VPS13D: variants seen among roughly 807,000 people sequenced by gnomAD.
VPS13D encodes intermembrane lipid transfer protein VPS13D.
Under a neutral mutation model 461.9 loss-of-function variants are expected in VPS13D, and 187 were observed. The observed-to-expected ratio is 0.40, with a 90% CI of 0.36 to 0.46. The LOEUF is 0.46. Among genes scored for constraint, VPS13D ranks in the 20% least tolerant of loss-of-function variants. The pLI is 0.60. For synonymous variants in VPS13D, 1,951 were observed against 1,986.3 expected, an observed-to-expected ratio of 0.98 and a Z score of 0.47; for missense variants, 4,711 against 5,364.9, an observed-to-expected ratio of 0.88 and a Z score of 3.81.
intron 67 of VPS13D, among the ~76,000 whole-genome samples, chr1:12,484,967 T>C (rs1026268659): frequency 3.9e-5 from 6 of 152,204 alleles, no homozygotes; most frequent in African/African-American, 1.2e-4. Context: ...TGTGCACGTG[T>C]ACACACACGT....
chr1:12,400,758 G>C (rs1644564177), intron 61 of VPS13D, among the ~76,000 whole-genome samples: 1 of 152,104 alleles, frequency 6.6e-6, no homozygotes, highest in South Asian at 2.1e-4. Flanking sequence ...TTTGAGACCA[G>C]CTTGGGAAAC....
In VPS13D at chr1:12,329,928, A is replaced by C. The variant is rs1009097581; in HGVS notation, c.8287+10A>C. The C allele has an allele frequency of 1.9e-6, 3 of 1,608,040 alleles. No homozygotes were observed. In the Admixed American group the frequency reaches 5.0e-5, roughly 27 times the overall value. Reference sequence around the variant, plus strand: ...AACCGTGCTCTTTCAGGTCAGTATAAAGCATATGTTATCATGGGATTTAAA... The same window carrying C: ...AACCGTGCTCTTTCAGGTCAGTATACAGCATATGTTATCATGGGATTTAAA... On this transcript the variant is annotated intron_variant, in intron 37 of 69. Coordinates refer to ENST00000620676, the MANE Select transcript of VPS13D (RefSeq NM_015378.4).
chr1:12,460,286 C>T lies in VPS13D; in HGVS notation c.12552C>T (p.Gly4184=). 1 of 1,612,046 alleles carries T rather than the reference C, an allele frequency of 6.2e-7. No individual in the cohort carries two copies. Among genetic ancestry groups the T allele is most frequent in the Non-Finnish European group, 8.5e-7 (1 of 1,179,064 alleles). The part of the protein sequence containing the change: ...TEGGVSGFIS[G]LGKGLVGTVT... ...GGGGTGTCAGCGGTTTCATATCTGG[C>T]CTTGGAAAAGGGCTTGTTGGCACTG... The change falls in exon 67 of 70, where the codon GGC becomes GGT. Residue 4184 remains glycine (G), a synonymous_variant. Transcript: ENST00000620676.
chr1:12,277,099 C>A lies in VPS13D; in HGVS notation c.3511C>A (p.His1171Asn). The A allele has an allele frequency of 6.2e-7, 1 of 1,614,098 alleles. No individual in the cohort carries two copies. The highest frequency in any genetic ancestry group is 1.1e-5 in the South Asian group (1 of 91,056). The stretch of plus-strand genomic sequence containing the variant: ...AAACACTGAGGTTGCAGTGGAAATC[C>A]ATAGGCTGAACTTACTGCTTCTTCG... ...EQNTEVAVEI[H>N]RLNLLLLRTV... The change falls in exon 19 of 70, where the codon CAT (histidine) becomes AAT (asparagine). Residue 1171 changes from histidine to asparagine, a missense_variant. Coordinates refer to ENST00000620676, the MANE Select transcript of VPS13D (RefSeq NM_015378.4).
intron 65 of VPS13D, among the ~76,000 whole-genome samples, chr1:12,451,496 C>T (rs1182091711): frequency 6.6e-6 from 1 of 152,202 alleles, no homozygotes; most frequent in Admixed American, 6.5e-5. Flanking sequence ...TGGAACCTTT[C>T]ATTTTAGCTA....
Position 12,276,523 on chromosome 1 carries a change from A to C in VPS13D, c.2935A>C (p.Lys979Gln). 6.2e-7 allele frequency: 1 copy of C among 1,614,102 alleles called. No homozygotes were observed. Among genetic ancestry groups the C allele is most frequent in the African/African-American group, 1.3e-5 (1 of 75,006 alleles). Residue 979 changes from lysine (K) to glutamine (Q), a missense_variant, in exon 19 of 70, where the codon AAG (lysine) becomes CAG (glutamine). Physicochemically the swap from Lys to Gln is moderately conservative, Grantham distance 53 (BLOSUM62 1). Transcript: ENST00000620676. The surrounding 1 kb of genome is among the most constrained non-coding windows in gnomAD (Gnocchi z 4.5). The part of the protein sequence containing the change: ...ESNGRYISVL[K>Q]VFGTNAHFVK... ...CAATGGCCGGTACATTTCTGTGCTC[A>C]AGGTGTTTGGTACCAATGCTCACTT...
intron 18 of VPS13D, among the ~76,000 whole-genome samples, chr1:12,274,995 G>T (rs757692716): frequency 1.2e-4 from 19 of 152,204 alleles, no homozygotes; most frequent in Non-Finnish European, 2.2e-4. Flanking sequence ...GAGGTGGGTG[G>T]ATCACCTGAG....
intron 62 of VPS13D, among the ~76,000 whole-genome samples, chr1:12,402,916 G>A (rs1644598914): frequency 6.6e-6 from 1 of 152,196 alleles, no homozygotes; most frequent in Non-Finnish European, 1.5e-5. Context: ...CAGTGCTGAT[G>A]GGATGGGACA....
intron 68 of VPS13D, among the ~76,000 whole-genome samples, chr1:12,504,108 G>A (rs1053855973): frequency 5.9e-5 from 9 of 152,160 alleles, no homozygotes; most frequent in African/African-American, 1.4e-4. Context: ...GTCTGGAGCT[G>A]TTTAATTATT....
At chr1:12,418,496 TAAGA>T (rs1172268987) in intron 65 of VPS13D, among the ~76,000 whole-genome samples, 4 of 152,250 alleles carry the variant, frequency 2.6e-5, no homozygotes, top group Admixed American at 6.5e-5. Flanking sequence ...CTAATTGACA[TAAGA>T]AAGTCTTCTT....
chr1:12,461,745 G>A (rs1257818341), intron 67 of VPS13D, among the ~76,000 whole-genome samples: 1 of 152,166 alleles, frequency 6.6e-6, no homozygotes, highest in East Asian at 1.9e-4. Context: ...ATAGCCAAGG[G>A]ATTGGTTGAT....
intron 67 of VPS13D, among the ~76,000 whole-genome samples, chr1:12,482,035 G>A (rs560214206): frequency 2.0e-5 from 3 of 152,354 alleles, no homozygotes; most frequent in Admixed American, 6.5e-5. Context: ...GTTACTGCAA[G>A]CAAGAGAAGC....
At chr1:12,291,184 T>G (rs1170598285) in intron 23 of VPS13D, 60 bp downstream of exon 23, 19 of 1,564,316 alleles carry the variant, frequency 1.2e-5, no homozygotes, top group Admixed American at 1.9e-5. Flanking sequence ...TGTTTCAGAT[T>G]CTTGTTGGCT....
At chr1:12,346,471 C>A (rs2101584954) in intron 43 of VPS13D, 134 bp from the exon 44 acceptor site, 1 of 799,804 alleles carries the variant, frequency 1.3e-6, no homozygotes, top group South Asian at 1.9e-5. Flanking sequence ...GATGTTTTAT[C>A]TTCATAGTAG....
chr1:12,318,478 T>A, intron 31 of VPS13D, 141 bp downstream of exon 31: 1 of 1,123,368 alleles, frequency 8.9e-7, no homozygotes. Context: ...CCTGCAAGCA[T>A]CAGAGGTCTT....
intron 43 of VPS13D, 97 bp from the exon 44 acceptor site, chr1:12,346,508 A>G: frequency 7.9e-7 from 1 of 1,272,004 alleles, no homozygotes; most frequent in Non-Finnish European, 1.1e-6. Context: ...AAGTATTTAC[A>G]AACACGACCC....
intron 57 of VPS13D, among the ~76,000 whole-genome samples, chr1:12,380,418 A>T (rs1644257806): frequency 6.6e-6 from 1 of 152,190 alleles, no homozygotes; most frequent in South Asian, 2.1e-4. Flanking sequence ...TTTGGCCTAA[A>T]TAAGCATTGA....
At position 12,424,929 on chromosome 1, in the gene VPS13D, C is replaced by G. The variant is rs145662219; in HGVS notation, c.12333+8102C>G. Among the ~76,000 whole-genome samples, 767 of 152,044 alleles carry G rather than the reference C, an allele frequency of 5.0e-3. 6 individuals carry two copies. Among genetic ancestry groups the G allele is most frequent in the African/African-American group, 0.017 (694 of 41,454 alleles). ...TCCCCCAAAAGTAGTGGTTTTCTAC[C>G]CTAGTGTAAACATGGTTTATAAAGG... On this transcript the variant is annotated intron_variant, in intron 65 of 69. Coordinates refer to ENST00000620676, the MANE Select transcript of VPS13D (RefSeq NM_015378.4).
Position 12,279,775 on chromosome 1 carries a change from A to G in VPS13D, c.4602+125A>G. The G allele has an allele frequency of 1.2e-6, 1 of 862,708 alleles. No homozygotes were observed. 53.4% of individuals were successfully genotyped at this position (862,708 alleles called of 1,614,324 possible). On this transcript the variant is annotated intron_variant, in intron 20 of 69. Coordinates refer to ENST00000620676, the MANE Select transcript of VPS13D (RefSeq NM_015378.4). The surrounding 1 kb of genome is among the most constrained non-coding windows in gnomAD (Gnocchi z 4.3). ...TTTCAAAGATATATCACCCATGCAT[A>G]ATACCATTGTTGAAACCTTGTTCCA...
Sources: allele counts gnomAD v4.1 joint callset (sites outside exome capture counted in the v4.1 genomes callset), GRCh38; gene constraint gnomAD v4.1.1; non-coding constraint Gnocchi (gnomAD v3.1); transcripts MANE v1.5; gene names NCBI Gene and HGNC (gene_info 2026-07-23, HGNC 2026-07-21).